BRWD3: variants seen among roughly 807,000 people sequenced by gnomAD.
BRWD3 encodes bromodomain and WD repeat-containing protein 3.
In BRWD3, 10 loss-of-function variants were observed where a neutral mutation model predicts 149.7. That is an observed-to-expected ratio of 0.07 (90% CI 0.04 to 0.11). The LOEUF is 0.11. Among genes scored for constraint, BRWD3 ranks in the 10% least tolerant of loss-of-function variants. BRWD3 has a pLI of 1.00. For missense variants in BRWD3, 940 were observed against 1,373.2 expected, an observed-to-expected ratio of 0.68 and a Z score of 4.99; for synonymous variants, 504 against 456.7, an observed-to-expected ratio of 1.10 and a Z score of -1.32.
At position 80,687,017 on chromosome X, in the gene BRWD3, TAG is replaced by T. The variant is rs750583827; in HGVS notation, c.3865-16_3865-15del. The T allele has an allele frequency of 3.3e-6, 4 of 1,204,088 alleles. No homozygotes were observed. In the South Asian group the frequency reaches 5.3e-5, roughly 16 times the overall value. ...TCGGCATTTGACCTACAGATTTTAA[TAG>T]AGTTATATCTAAAAGATCTTTCCTT... On this transcript the variant is annotated splice_polypyrimidine_tract_variant and intron_variant, in intron 34 of 40. Transcript: ENST00000373275.
intron 20 of BRWD3, among the ~76,000 whole-genome samples, chrX:80,713,077 G>A (rs1397089105): frequency 9.3e-6 from 1 of 107,795 alleles, no homozygotes; most frequent in Non-Finnish European, 1.9e-5. Flanking sequence ...GGGGGGGTCA[G>A]CCCCCTGCCC....
At chrX:80,792,997 A>C (rs1461092271) in intron 5 of BRWD3, among the ~76,000 whole-genome samples, 2 of 108,214 alleles carry the variant, frequency 1.8e-5, no homozygotes, top group Admixed American at 1.0e-4. Context: ...CCCTGTCTGT[A>C]CTAAAAATAC....
chrX:80,796,323 G>T (rs1023363617), intron 4 of BRWD3, among the ~76,000 whole-genome samples: 1 of 110,247 alleles, frequency 9.1e-6, no homozygotes, highest in Non-Finnish European at 1.9e-5. Flanking sequence ...TAGAGACGGG[G>T]TTTCACCATG....
At chrX:80,798,177 A>G (rs2074257724) in intron 4 of BRWD3, among the ~76,000 whole-genome samples, 1 of 111,895 alleles carries the variant, frequency 8.9e-6, no homozygotes, top group Admixed American at 9.5e-5. Flanking sequence ...AATAATGGCA[A>G]TAACAATCTT....
chrX:80,757,890 G>A (rs940778335), intron 6 of BRWD3, among the ~76,000 whole-genome samples: 5 of 112,313 alleles, frequency 4.5e-5, no homozygotes, highest in African/African-American at 1.3e-4. Flanking sequence ...GATAGATCCT[G>A]GAGATACTGA....
chrX:80,723,936 G>GT, intron 15 of BRWD3, 60 bp from the exon 16 acceptor site: 1 of 1,119,017 alleles, frequency 8.9e-7, no homozygotes, highest in South Asian at 1.9e-5. Flanking sequence ...TAGATAGGCG[G>GT]TAACTTCTCC....
chrX:80,787,159 T>C (rs1352553473), intron 6 of BRWD3, among the ~76,000 whole-genome samples: 1 of 111,369 alleles, frequency 9.0e-6, no homozygotes, highest in Non-Finnish European at 1.9e-5. Context: ...ATTTCCACAA[T>C]AGATGTGTTA....
At chrX:80,808,411 G>A (rs1396500220) in intron 4 of BRWD3, 128 bp downstream of exon 4, 1 of 518,850 alleles carries the variant, frequency 1.9e-6, no homozygotes, top group African/African-American at 2.5e-5. Context: ...GGAAGGGGCA[G>A]TCGTTCTTTG....
Position 80,682,473 on chromosome X carries a change from T to C in BRWD3, c.4389A>G (p.Gly1463=). The part of the protein sequence containing the change: ...RSSSSSLSSS[G]APSPKGKQKQ... ...CATCAATGTAATGATACCTAGGTGC[T>C]CCACTACTAGATAATGAACTGCTGC... is the stretch of plus-strand genomic sequence containing the variant. Residue 1463 remains glycine, a synonymous_variant, in exon 38 of 41, where the codon GGA becomes GGG. Coordinates refer to ENST00000373275, the MANE Select transcript of BRWD3 (RefSeq NM_153252.5). The C allele has an allele frequency of 1.7e-6, 2 of 1,209,881 alleles. No individual in the cohort carries two copies. Among genetic ancestry groups the C allele is most frequent in the Non-Finnish European group, 2.2e-6 (2 of 894,028 alleles).
intron 4 of BRWD3, among the ~76,000 whole-genome samples, chrX:80,799,277 T>C (rs1387921494): frequency 9.0e-6 from 1 of 111,717 alleles, no homozygotes; most frequent in African/African-American, 3.3e-5. Context: ...GAATAAAATG[T>C]AAAAGGTAGC....
chrX:80,690,866 T>C lies in BRWD3; in HGVS notation c.3602+187A>G, dbSNP rs773869847. 1.1e-3 allele frequency among the ~76,000 whole-genome samples: 118 copies of C among 111,630 alleles called. 1 individual carries two copies. Among genetic ancestry groups the C allele is most frequent in the South Asian group, 3.7e-3 (10 of 2,671 alleles). ...ACTACCCATATATTCCTCTCAGCCT[T>C]TCTTCTCTATCCCCAAGAGTGAGAA... On this transcript the variant is annotated intron_variant, in intron 31 of 40. Coordinates refer to ENST00000373275, the MANE Select transcript of BRWD3 (RefSeq NM_153252.5).
intron 14 of BRWD3, among the ~76,000 whole-genome samples, chrX:80,727,648 G>T (rs886687423): frequency 2.7e-5 from 3 of 111,224 alleles, no homozygotes; most frequent in South Asian, 7.6e-4. Context: ...GTAAAGCAAG[G>T]TGACATAATA....
chrX:80,770,035 C>T (rs1368154046), intron 6 of BRWD3, among the ~76,000 whole-genome samples: 1 of 111,534 alleles, frequency 9.0e-6, no homozygotes, highest in Non-Finnish European at 1.9e-5. Flanking sequence ...CATACACCCT[C>T]CCAAGACTAA....
At chrX:80,710,812 A>C (rs2072953122) in intron 20 of BRWD3, 4 of 371,863 alleles carry the variant, frequency 1.1e-5, no homozygotes, top group Non-Finnish European at 2.0e-5. Context: ...GGTATGTTTT[A>C]GGAATCAGTC....
chrX:80,720,799 C>A (rs192137224), intron 17 of BRWD3, among the ~76,000 whole-genome samples: 10 of 111,846 alleles, frequency 8.9e-5, no homozygotes, highest in Non-Finnish European at 3.8e-5. Context: ...GTGCTTTATA[C>A]AGTCATACCA....
At chrX:80,722,921 T>C (rs1347634798) in intron 16 of BRWD3, 134 bp from the exon 17 acceptor site, 2 of 547,948 alleles carry the variant, frequency 3.6e-6, no homozygotes, top group African/African-American at 4.6e-5. Context: ...TGTTGCCCTG[T>C]ATTCCCTTTA....
At chrX:80,742,084 TGTATAAG>T (rs2073520158) in intron 8 of BRWD3, among the ~76,000 whole-genome samples, 1 of 111,537 alleles carries the variant, frequency 9.0e-6, no homozygotes, top group Non-Finnish European at 1.9e-5. Context: ...AATTAATTTT[TGTATAAG>T]GTATAAGGAA....
At chrX:80,689,710 C>T in intron 33 of BRWD3, 58 bp downstream of exon 33, 2 of 1,003,069 alleles carry the variant, frequency 2.0e-6, no homozygotes, top group Non-Finnish European at 2.8e-6. Flanking sequence ...ACACATAATA[C>T]TGTACTTCAA....
At chrX:80,716,720 TTGG>T (rs2073078220) in intron 19 of BRWD3, among the ~76,000 whole-genome samples, 2 of 112,334 alleles carry the variant, frequency 1.8e-5, no homozygotes, top group Admixed American at 1.9e-4. Context: ...TATTCATCTG[TTGG>T]TGGACAATTG....
Sources: allele counts gnomAD v4.1 joint callset (sites outside exome capture counted in the v4.1 genomes callset), GRCh38; gene constraint gnomAD v4.1.1; transcripts MANE v1.5; gene names NCBI Gene and HGNC (gene_info 2026-07-23, HGNC 2026-07-21).